The following HCN2 variants were observed in gnomAD, a reference collection of about 807,000 sequenced individuals.
HCN2 encodes the protein potassium/sodium hyperpolarization-activated cyclic nucleotide-gated channel 2.
In HCN2, 20 loss-of-function variants were observed where a neutral mutation model predicts 52.3. The observed-to-expected ratio is 0.38, with a 90% CI of 0.27 to 0.56. The LOEUF (loss-of-function observed/expected upper bound fraction) is 0.56. HCN2 is among the 20% of genes least tolerant of loss of function. HCN2 has a pLI of 0.71. For missense variants in HCN2, 981 were observed against 1,207.7 expected (o/e 0.81, Z 2.78); for synonymous variants, 694 against 537.0 (o/e 1.29, Z -4.04).
chr19:607,316 G>A (rs56070065), intron 3 of HCN2, among the ~76,000 whole-genome samples: 44,046 of 152,216 alleles, frequency 0.29, 7,465 homozygotes, highest in African/African-American at 0.47. Flanking sequence ...TCCCTGCCTG[G>A]GGAGTGCTGT....
At chr19:612,733 C>G (rs1052255969) in intron 5 of HCN2, among the ~76,000 whole-genome samples, 2 of 141,740 alleles carry the variant, frequency 1.4e-5, no homozygotes, top group Non-Finnish European at 3.1e-5. Flanking sequence ...CCCCCATTTT[C>G]TTTTTTTTTT....
rs766945422 is a variant in HCN2, at chr19:610,222, G to C, written c.1438-37G>C. 1.9e-6 allele frequency: 3 copies of C among 1,604,448 alleles called. No homozygotes were observed. The Admixed American group carries it at 5.0e-5, about 27-fold the overall frequency. On this transcript the variant is annotated intron_variant, in intron 4 of 7. Transcript: ENST00000251287. ...TGCCCCTGTGCCCGCTGCAGGCCGG[G>C]GGCGGTGTCTGACCCAGCCTCGCCT...
rs756249512 is a variant in HCN2, at chr19:613,505, C to T, written c.1825+17C>T. ...ACTTCGGGGGTGAGCTTGAGGGGGGCGCGCCTGGAGGGGGAGGGGGCACGC... is the reference window on the plus strand; with the variant it reads ...ACTTCGGGGGTGAGCTTGAGGGGGGTGCGCCTGGAGGGGGAGGGGGCACGC... On this transcript the variant is annotated intron_variant, in intron 6 of 7. Coordinates refer to ENST00000251287, the MANE Select transcript of HCN2 (RefSeq NM_001194.4). 24 of 1,376,182 alleles carry T rather than the reference C, an allele frequency of 1.7e-5. No individual in the cohort carries two copies. The highest frequency in any genetic ancestry group is 6.7e-5 in the South Asian group (5 of 74,892). The allele number at this position is 1,376,182 out of a possible 1,614,324, so 85.2% of individuals were successfully genotyped here.
rs201131143 is a variant in HCN2 at position 603,971 on chromosome 19, A to G, written c.1056+4A>G. The G allele has an allele frequency of 7.6e-3, 3,351 of 438,562 alleles. 39 individuals are homozygous for G. The highest frequency in any genetic ancestry group is 0.049 in the South Asian group (1,860 of 37,672). The allele number at this position is 438,562 out of a possible 1,614,324, so 27.2% of individuals were successfully genotyped here. On this transcript the variant is annotated splice_donor_region_variant and intron_variant, in intron 2 of 7. Coordinates refer to ENST00000251287, the MANE Select transcript of HCN2 (RefSeq NM_001194.4). Reference sequence around the variant, plus strand: ...CTACATCCATCAGTGGGAGGAGGTGAGGTGGGGCGGGGGCGGGGCCAAGGC... The same window carrying G: ...CTACATCCATCAGTGGGAGGAGGTGGGGTGGGGCGGGGGCGGGGCCAAGGC...
chr19:608,791 C>T (rs979359365), intron 4 of HCN2, among the ~76,000 whole-genome samples: 3 of 152,154 alleles, frequency 2.0e-5, no homozygotes, highest in African/African-American at 7.2e-5. Context: ...CCTGGGGTTG[C>T]TTCAGGACAC....
chr19:606,884 G>A (rs888352527), intron 3 of HCN2, among the ~76,000 whole-genome samples: 4 of 148,836 alleles, frequency 2.7e-5, no homozygotes, highest in Non-Finnish European at 5.9e-5. Flanking sequence ...AAAAGCAAAA[G>A]GAAGAGGCCG....
At chr19:596,132 T>C (rs1306063246) in intron 1 of HCN2, among the ~76,000 whole-genome samples, 1 of 152,218 alleles carries the variant, frequency 6.6e-6, no homozygotes, top group Non-Finnish European at 1.5e-5. Flanking sequence ...CATCCAGCCC[T>C]GGAGAGACGG....
chr19:599,701 T>C (rs1174859103), intron 1 of HCN2, among the ~76,000 whole-genome samples: 1 of 151,584 alleles, frequency 6.6e-6, no homozygotes, highest in Non-Finnish European at 1.5e-5. Flanking sequence ...GGCAAGAGAA[T>C]GGTGTGAACC....
rs1457651019 is a variant in HCN2, at chr19:616,606, T to TGGAC, written c.*139_*142dup. 1 of 487,774 alleles carries TGGAC rather than the reference T, an allele frequency of 2.1e-6. No individual in the cohort carries two copies. The highest frequency in any genetic ancestry group is 2.9e-6 in the Non-Finnish European group (1 of 345,128). 30.2% of individuals were successfully genotyped at this position (487,774 alleles called of 1,614,324 possible). A position where few individuals can be genotyped will look rare whatever the true frequency, so the allele number is the denominator to read the frequency against. ...TAGACGAGACGTAGGTAGCCGTAGT[T>TGGAC]GGACGGACGGGCAGGGCCGGCGGGG... On this transcript the variant is annotated 3_prime_UTR_variant, in exon 8 of 8. Transcript: ENST00000251287.
rs369552209 is a variant in HCN2 at position 599,609 on chromosome 19, C to T, written c.633-3935C>T. Among the ~76,000 whole-genome samples, 917 of 150,428 alleles carry T rather than the reference C, an allele frequency of 6.1e-3. 5 individuals carry two copies. Among genetic ancestry groups the T allele is most frequent in the African/African-American group, 0.02 (805 of 40,912 alleles). ...CCTGGCTAACATGGTGAAACCCCGT[C>T]TCTACTAAAAATACAAAAAAAAAAA... On this transcript the variant is annotated intron_variant, in intron 1 of 7. Coordinates refer to ENST00000251287, the MANE Select transcript of HCN2 (RefSeq NM_001194.4).
At chr19:614,525 G>C (rs1983814169) in intron 7 of HCN2, among the ~76,000 whole-genome samples, 1 of 152,162 alleles carries the variant, frequency 6.6e-6, no homozygotes, top group East Asian at 1.9e-4. Context: ...GGTAAGGGAT[G>C]CCATGTGGAA....
At position 590,428 on chromosome 19, in the gene HCN2, C is replaced by G. The variant is rs763886699; in HGVS notation, c.483C>G (p.Ser161Arg). ...GGGAGCCGCGCGGCAGCCAGGCCAG[C>G]TTCATGCAGCGCCAGTTCGGCGCGC... Reference protein sequence around the residue: ...PAGEPRGSQASFMQRQFGALL... With the variant: ...PAGEPRGSQARFMQRQFGALL... The change falls in exon 1 of 8, where the codon AGC becomes AGG. Residue 161 changes from serine to arginine, a missense_variant. Coordinates refer to ENST00000251287, the MANE Select transcript of HCN2 (RefSeq NM_001194.4). The surrounding 1 kb of genome is among the most constrained non-coding windows in gnomAD (Gnocchi z 7.2). 3 of 1,482,200 alleles carry G rather than the reference C, an allele frequency of 2.0e-6. No individual in the cohort carries two copies. In the South Asian group the frequency reaches 3.8e-5, roughly 19 times the overall value. The allele number at this position is 1,482,200 out of a possible 1,614,324, so 91.8% of individuals were successfully genotyped here.
At chr19:612,131 C>G (rs60691065) in intron 5 of HCN2, among the ~76,000 whole-genome samples, 1 of 151,104 alleles carries the variant, frequency 6.6e-6, no homozygotes, top group Non-Finnish European at 1.5e-5. Context: ...GACAACAGAG[C>G]GAGACTCCGT....
Position 590,833 on chromosome 19 carries a change from G to T in HCN2, c.632+256G>T. 3.9e-6 allele frequency: 1 copy of T among 256,734 alleles called. No homozygotes were observed. Among genetic ancestry groups the T allele is most frequent in the Non-Finnish European group, 7.4e-6 (1 of 135,814 alleles). 15.9% of individuals were successfully genotyped at this position (256,734 alleles called of 1,614,324 possible). On this transcript the variant is annotated intron_variant, in intron 1 of 7. Coordinates refer to ENST00000251287, the MANE Select transcript of HCN2 (RefSeq NM_001194.4). The surrounding 1 kb of genome is among the most constrained non-coding windows in gnomAD (Gnocchi z 7.2). ...ACCCCGACATCCTCCGCCCTGCGGC[G>T]CGGCGGGTGGGGTGGGCCGCAGGGC...
chr19:612,399 T>TGG (rs1181121983), intron 5 of HCN2, among the ~76,000 whole-genome samples: 3 of 45,526 alleles, frequency 6.6e-5, no homozygotes, highest in Non-Finnish European at 1.0e-4. Context: ...CACTGGTGTG[T>TGG]GTGTGTGTGT....
chr19:594,724 G>A (rs903175660), intron 1 of HCN2, among the ~76,000 whole-genome samples: 1 of 152,148 alleles, frequency 6.6e-6, no homozygotes, highest in African/African-American at 2.4e-5. Flanking sequence ...AGGGCGAGGC[G>A]AGGGTTTGTC....
At chr19:597,044 G>C (rs879584211) in intron 1 of HCN2, among the ~76,000 whole-genome samples, 2 of 152,318 alleles carry the variant, frequency 1.3e-5, no homozygotes, top group East Asian at 3.9e-4. Flanking sequence ...GGCTGGTGAC[G>C]ACGAGGGTTG....
Position 613,833 on chromosome 19 carries a change from C to CT in HCN2, c.1826-19_1826-18insT. On this transcript the variant is annotated intron_variant, in intron 6 of 7. Transcript: ENST00000251287. ...GCGCCCGCCTCGTCCAGCAACCCCCCCCTGCGCGCCACGTGCAGAGATCTG... is the reference window on the plus strand; with the variant it reads ...GCGCCCGCCTCGTCCAGCAACCCCCCTCCTGCGCGCCACGTGCAGAGATCTG... The CT allele has an allele frequency of 3.3e-6, 5 of 1,531,020 alleles. No individual in the cohort carries two copies. The highest frequency in any genetic ancestry group is 3.5e-6 in the Non-Finnish European group (4 of 1,144,920). 94.8% of individuals were successfully genotyped at this position (1,531,020 alleles called of 1,614,324 possible).
At chr19:598,082 G>A (rs984554616) in intron 1 of HCN2, among the ~76,000 whole-genome samples, 8 of 152,208 alleles carry the variant, frequency 5.3e-5, no homozygotes, top group Non-Finnish European at 1.2e-4. Flanking sequence ...CCCCCTCGGG[G>A]CTGAGGGGCA....
Sources: allele counts gnomAD v4.1 joint callset (sites outside exome capture counted in the v4.1 genomes callset), GRCh38; gene constraint gnomAD v4.1.1; non-coding constraint Gnocchi (gnomAD v3.1); transcripts MANE v1.5; gene names NCBI Gene and HGNC (gene_info 2026-07-23, HGNC 2026-07-21).